DPY19L1: variants seen among roughly 807,000 people sequenced by gnomAD.
The protein encoded by DPY19L1 is protein C-mannosyl-transferase DPY19L1.
DPY19L1 carries 35 observed loss-of-function variants against 96.9 expected under a neutral mutation model. That is an observed-to-expected ratio of 0.36 (90% CI 0.28 to 0.48). DPY19L1 has a LOEUF of 0.48. Ranked by LOEUF, DPY19L1 falls within the 20% of genes least tolerant of loss-of-function variation. DPY19L1 has a pLI of 0.99. For synonymous variants in DPY19L1, 205 were observed against 252.6 expected (o/e 0.81, Z 1.79); for missense variants, 521 against 777.9 (o/e 0.67, Z 3.93).
Position 35,018,053 on chromosome 7 carries a change from G to GT in DPY19L1, c.324-85dup, listed in dbSNP as rs1443310705. The stretch of plus-strand genomic sequence containing the variant: ...AAGTAAGCTAAAAGCAAAAATAAAA[G>GT]TATCAGTTAACTTGCAGATAATTTT... On this transcript the variant is annotated intron_variant, in intron 2 of 21. Transcript: ENST00000638088. 1.4e-4 allele frequency: 134 copies of GT among 967,090 alleles called. 1 individual carries two copies. In the African/African-American group the frequency reaches 2.1e-3, roughly 15 times the overall value. The allele number at this position is 967,090 out of a possible 1,614,324, so 59.9% of individuals were successfully genotyped here.
At position 35,017,714 on chromosome 7, in the gene DPY19L1, TAGTG is replaced by T. The variant is rs1785894119; in HGVS notation, c.411+164_411+167del. Among the ~76,000 whole-genome samples the T allele has an allele frequency of 3.3e-5, 5 of 151,638 alleles. No individual in the cohort carries two copies. In the South Asian group the frequency reaches 8.3e-4, roughly 25 times the overall value. ...ATAAAAATAAAAAATAAAAAAGACA[TAGTG>T]AGTGGGGGTGTAGATGAAGGAAAAC... On this transcript the variant is annotated intron_variant, in intron 3 of 21. Transcript: ENST00000638088.
At chr7:35,011,794 A>G (rs1399603146) in intron 4 of DPY19L1, among the ~76,000 whole-genome samples, 5 of 152,250 alleles carry the variant, frequency 3.3e-5, no homozygotes, top group African/African-American at 1.2e-4. Flanking sequence ...TTAAGATATG[A>G]ATTCTCCCTC....
chr7:34,964,676 T>C (rs1324853185), intron 10 of DPY19L1, among the ~76,000 whole-genome samples: 1 of 152,176 alleles, frequency 6.6e-6, no homozygotes, highest in African/African-American at 2.4e-5. Flanking sequence ...AACTTAACAT[T>C]TATTAATTTC....
intron 10 of DPY19L1, among the ~76,000 whole-genome samples, chr7:34,959,910 TATATATATATATATTTATATATA>T: frequency 1.0e-4 from 2 of 19,634 alleles, no homozygotes; most frequent in Admixed American, 1.7e-3. Context: ...TATATATATA[TATATATATATATATTTATATATA>T]TATATATATA....
chr7:34,997,569 CA>C (rs1261660602), intron 6 of DPY19L1, among the ~76,000 whole-genome samples: 1 of 139,354 alleles, frequency 7.2e-6, no homozygotes, highest in Non-Finnish European at 1.5e-5. Flanking sequence ...GAGATCGCGC[CA>C]CTGCACTCCA....
intron 11 of DPY19L1, among the ~76,000 whole-genome samples, chr7:34,955,700 C>G (rs1398458351): frequency 6.6e-6 from 1 of 152,110 alleles, no homozygotes; most frequent in Non-Finnish European, 1.5e-5. Context: ...GTCATACAGG[C>G]ATAAGATTTT....
In DPY19L1 at chr7:34,939,313, T is replaced by C. The variant is rs1401662226; in HGVS notation, c.1927A>G (p.Ile643Val). 2.5e-6 allele frequency: 4 copies of C among 1,613,892 alleles called. No individual in the cohort carries two copies. In the African/African-American group the frequency reaches 4.0e-5, roughly 16 times the overall value. The change falls in exon 20 of 22, where the codon ATT becomes GTT. Residue 643 changes from isoleucine (I) to valine (V), a missense_variant. Physicochemically the swap from Ile to Val is conservative, Grantham distance 29. Coordinates refer to ENST00000638088, the MANE Select transcript of DPY19L1 (RefSeq NM_001366673.1). ...ASVKLSALRP[I>V]VNHPHYEDAG... ...TCTTCATAATGTGGATGATTCACAA[T>C]GGGCCGAAGTGCAGAGAGCTTAACA...
At chr7:35,000,651 T>A (rs1335613591) in intron 6 of DPY19L1, 1 of 152,104 alleles carries the variant, frequency 6.6e-6, no homozygotes, top group African/African-American at 2.4e-5. Context: ...AAACAATGCA[T>A]ACAGAAATAT....
At chr7:34,941,725 A>C (rs1389487647) in intron 18 of DPY19L1, 40 bp downstream of exon 18, 4 of 1,591,296 alleles carry the variant, frequency 2.5e-6, no homozygotes, top group Non-Finnish European at 3.4e-6. Flanking sequence ...AATAAAGGCT[A>C]AAATTATCAT....
chr7:35,018,694 G>A (rs1219745467), intron 1 of DPY19L1, 98 bp from the exon 2 acceptor site: 24 of 1,087,142 alleles, frequency 2.2e-5, no homozygotes, highest in Non-Finnish European at 3.3e-5. Flanking sequence ...ATATTGAAAT[G>A]TGTAAAAAAG....
chr7:34,991,261 T>G (rs1785162573), intron 6 of DPY19L1, among the ~76,000 whole-genome samples: 1 of 152,182 alleles, frequency 6.6e-6, no homozygotes, highest in Admixed American at 6.5e-5. Context: ...TGCTGGGATA[T>G]CTTAGGGGAA....
intron 13 of DPY19L1, among the ~76,000 whole-genome samples, chr7:34,953,232 G>A (rs1007140435): frequency 2.6e-5 from 4 of 152,060 alleles, no homozygotes; most frequent in South Asian, 2.1e-4. Context: ...CTTAATCAAC[G>A]TTACGTATTT....
intron 1 of DPY19L1, among the ~76,000 whole-genome samples, chr7:35,030,112 C>A (rs563759075): frequency 6.6e-6 from 1 of 152,064 alleles, no homozygotes; most frequent in African/African-American, 2.4e-5. Flanking sequence ...TTAAACTTAG[C>A]GGAAAACAAT....
intron 1 of DPY19L1, among the ~76,000 whole-genome samples, chr7:35,027,343 T>C (rs1786146105): frequency 6.6e-6 from 1 of 152,218 alleles, no homozygotes; most frequent in Non-Finnish European, 1.5e-5. Flanking sequence ...ACTGCACAGC[T>C]ATTTTCTGAG....
intron 11 of DPY19L1, among the ~76,000 whole-genome samples, chr7:34,956,907 C>T (rs1489235182): frequency 5.9e-5 from 9 of 152,106 alleles, no homozygotes; most frequent in Non-Finnish European, 2.9e-5. Context: ...ATCTGAGTAA[C>T]TTAATTACTC....
chr7:35,015,273 A>T (rs1222907527), intron 3 of DPY19L1, among the ~76,000 whole-genome samples: 1 of 152,214 alleles, frequency 6.6e-6, no homozygotes, highest in Non-Finnish European at 1.5e-5. Context: ...GATTTCAAGT[A>T]ACATTAAGAT....
chr7:35,021,132 T>C (rs1785986773), intron 1 of DPY19L1, among the ~76,000 whole-genome samples: 1 of 152,226 alleles, frequency 6.6e-6, no homozygotes, highest in African/African-American at 2.4e-5. Context: ...TAAACAATTC[T>C]GGTAAATGGG....
chr7:34,969,498 G>C lies in DPY19L1; in HGVS notation c.949C>G (p.Leu317Val). The stretch of plus-strand genomic sequence containing the variant: ...ATGAAAAATACATTGGAAATGCAGA[G>C]TGCAATCAAGCTTCCTCTATAAAGT... ...TKLYRGSLIALCISNVFFMLP... is the reference protein window; with the variant it reads ...TKLYRGSLIAVCISNVFFMLP... The change falls in exon 9 of 22, where the codon CTC becomes GTC. Residue 317 changes from leucine (L) to valine (V), a missense_variant. Transcript: ENST00000638088. 6.4e-7 allele frequency: 1 copy of C among 1,574,086 alleles called. No individual in the cohort carries two copies. Among genetic ancestry groups the C allele is most frequent in the Non-Finnish European group, 8.6e-7 (1 of 1,162,308 alleles).
intron 1 of DPY19L1, among the ~76,000 whole-genome samples, chr7:35,024,178 T>C (rs1386033603): frequency 1.3e-5 from 2 of 152,196 alleles, no homozygotes; most frequent in Non-Finnish European, 1.5e-5. Flanking sequence ...CATTATCATG[T>C]TGAGTAAGTG....
Sources: gnomAD v4.1 joint callset for allele counts (sites outside exome capture counted in the v4.1 genomes callset) on GRCh38, gnomAD v4.1.1 for gene constraint, MANE v1.5 for transcripts, NCBI Gene and HGNC (gene_info 2026-07-23, HGNC 2026-07-21) for gene names.